PLD5: variants seen among roughly 807,000 people sequenced by gnomAD.
PLD5 encodes inactive phospholipase D5.
A neutral mutation model predicts 61.1 loss-of-function variants in PLD5; 36 were observed. That is an observed-to-expected ratio of 0.59 (90% CI 0.45 to 0.78). PLD5 has a LOEUF of 0.78. Among genes scored for constraint, PLD5 ranks in the 30% least tolerant of loss-of-function variants. The pLI is 0.00. For missense variants in PLD5, 515 were observed against 644.4 expected, an observed-to-expected ratio of 0.80 and a Z score of 2.17; for synonymous variants, 243 against 242.8, an observed-to-expected ratio of 1.00 and a Z score of -0.01.
At chr1:242,099,534 C>A (rs1660524231) in intron 9 of PLD5, among the ~76,000 whole-genome samples, 1 of 152,184 alleles carries the variant, frequency 6.6e-6, no homozygotes, top group Admixed American at 6.5e-5. Flanking sequence ...CCCACACGGC[C>A]AGTGGCAGTG....
At chr1:242,362,531 T>C (rs184382441) in intron 1 of PLD5, among the ~76,000 whole-genome samples, 1 of 152,322 alleles carries the variant, frequency 6.6e-6, no homozygotes, top group Non-Finnish European at 1.5e-5. Flanking sequence ...CCTGGCCCTA[T>C]AGGCCTTTCC....
At chr1:242,231,459 C>T (rs1671296202) in intron 4 of PLD5, among the ~76,000 whole-genome samples, 1 of 152,192 alleles carries the variant, frequency 6.6e-6, no homozygotes, top group African/African-American at 2.4e-5. Flanking sequence ...TTTACCTTAC[C>T]ATTTGCTGTC....
intron 1 of PLD5, among the ~76,000 whole-genome samples, chr1:242,427,536 G>A (rs1431560311): frequency 1.3e-5 from 2 of 152,198 alleles, no homozygotes; most frequent in African/African-American, 4.8e-5. Flanking sequence ...AGATGGGAAC[G>A]TGAAAAGCTT....
At chr1:242,219,341 A>T (rs1670418661) in intron 5 of PLD5, among the ~76,000 whole-genome samples, 1 of 152,016 alleles carries the variant, frequency 6.6e-6, no homozygotes, top group Admixed American at 6.6e-5. Flanking sequence ...TGTGGAGAGG[A>T]AGAGGAGGGG....
chr1:242,198,396 C>T (rs568023235), intron 5 of PLD5, among the ~76,000 whole-genome samples: 3 of 152,064 alleles, frequency 2.0e-5, no homozygotes, highest in Admixed American at 6.5e-5. Context: ...CCAGAGACAA[C>T]GTGACTTCTG....
intron 1 of PLD5, among the ~76,000 whole-genome samples, chr1:242,381,784 A>C (rs1662293327): frequency 2.0e-5 from 3 of 152,158 alleles, no homozygotes; most frequent in Admixed American, 1.3e-4. Context: ...TTCCCCACTT[A>C]ACTCCAAACC....
At chr1:242,194,566 A>ATATCTATCTATC (rs201221980) in intron 5 of PLD5, among the ~76,000 whole-genome samples, 8,788 of 123,696 alleles carry the variant, frequency 0.071, 491 homozygotes, top group Non-Finnish European at 0.088. Flanking sequence ...AGCTATCTCT[A>ATATCTATCTATC]TATCTATCTA....
chr1:242,462,519 G>A (rs1230231026), intron 1 of PLD5, among the ~76,000 whole-genome samples: 1 of 151,640 alleles, frequency 6.6e-6, no homozygotes, highest in Non-Finnish European at 1.5e-5. Context: ...TATGCTCACC[G>A]CCTGGGTGAC....
intron 5 of PLD5, among the ~76,000 whole-genome samples, chr1:242,206,808 G>A (rs1419435266): frequency 1.3e-5 from 2 of 152,090 alleles, no homozygotes; most frequent in South Asian, 2.1e-4. Context: ...TAGAAGAGGT[G>A]GAGGAAGGAG....
At chr1:242,380,013 C>T (rs1662190492) in intron 1 of PLD5, among the ~76,000 whole-genome samples, 1 of 152,120 alleles carries the variant, frequency 6.6e-6, no homozygotes, top group South Asian at 2.1e-4. Flanking sequence ...TGCTTCTTGG[C>T]CTTTAGCCTA....
chr1:242,418,280 C>T (rs115500929), intron 1 of PLD5, among the ~76,000 whole-genome samples: 2 of 152,042 alleles, frequency 1.3e-5, no homozygotes, highest in Admixed American at 6.6e-5. Flanking sequence ...TGCAGGAGAA[C>T]CTAATTTTAG....
At chr1:242,100,910 T>C in intron 8 of PLD5, 128 bp from the exon 9 acceptor site, 1 of 635,864 alleles carries the variant, frequency 1.6e-6, no homozygotes. Flanking sequence ...AGCCATAATC[T>C]TATTACCTCA....
At chr1:242,270,388 G>T (rs547092299) in intron 3 of PLD5, among the ~76,000 whole-genome samples, 1 of 152,226 alleles carries the variant, frequency 6.6e-6, no homozygotes, top group South Asian at 2.1e-4. Context: ...AGGACACAGA[G>T]GTACAAGAAA....
chr1:242,243,730 C>T (rs535924566), intron 4 of PLD5, among the ~76,000 whole-genome samples: 1 of 152,276 alleles, frequency 6.6e-6, no homozygotes, highest in African/African-American at 2.4e-5. Context: ...CTCTCTGCTG[C>T]CCATGAAATC....
intron 5 of PLD5, among the ~76,000 whole-genome samples, chr1:242,198,099 T>TGAATGAAC (rs1421625916): frequency 6.6e-6 from 1 of 151,990 alleles, no homozygotes; most frequent in East Asian, 1.9e-4. Context: ...AATGAATGAA[T>TGAATGAAC]GAATAAATGA....
chr1:242,142,368 C>A (rs1254384961), intron 5 of PLD5, among the ~76,000 whole-genome samples: 1 of 152,146 alleles, frequency 6.6e-6, no homozygotes, highest in Admixed American at 6.5e-5. Context: ...TTTTGATGAA[C>A]CTTCTCAAAT....
intron 1 of PLD5, among the ~76,000 whole-genome samples, chr1:242,396,673 C>CA (rs1427858460): frequency 2.3e-5 from 3 of 129,542 alleles, no homozygotes; most frequent in Admixed American, 8.0e-5. Flanking sequence ...CTTTTCTTTT[C>CA]TTTTTTTTTT....
At chr1:242,529,668 G>C (rs1558172991), upstream of PLD5, among the ~76,000 whole-genome samples, 1 of 152,156 alleles carries the variant, frequency 6.6e-6, no homozygotes, top group Admixed American at 6.5e-5. Context: ...GGAGGAGAGG[G>C]AGAGGTCAAC....
chr1:242,413,684 G>A (rs561000053), intron 1 of PLD5, among the ~76,000 whole-genome samples: 1 of 152,260 alleles, frequency 6.6e-6, no homozygotes, highest in East Asian at 1.9e-4. Flanking sequence ...ACAGCATCAG[G>A]GTAGGAAAAG....
Sources: allele counts gnomAD v4.1 joint callset (sites outside exome capture counted in the v4.1 genomes callset), GRCh38; gene constraint gnomAD v4.1.1; transcripts MANE v1.5; gene names NCBI Gene and HGNC (gene_info 2026-07-23, HGNC 2026-07-21).